Variants in NUP205 observed in about 807,000 individuals in gnomAD.
NUP205 encodes nucleoporin 205, also known as nuclear pore complex protein Nup205.
In NUP205, 76 loss-of-function variants were observed where a neutral mutation model predicts 253.8. The ratio of observed to expected loss-of-function variants is 0.30; its 90% CI spans 0.25 to 0.36. NUP205 has a LOEUF of 0.36. Among genes scored for constraint, NUP205 ranks in the 10% least tolerant of loss-of-function variants. The pLI is 1.00. For synonymous variants in NUP205, 832 were observed against 850.1 expected (o/e 0.98, Z 0.37); for missense variants, 2,162 against 2,425.5 (o/e 0.89, Z 2.28).
intron 34 of NUP205, among the ~76,000 whole-genome samples, chr7:135,630,059 A>G (rs1045100393): frequency 6.6e-6 from 1 of 152,204 alleles, no homozygotes; most frequent in Non-Finnish European, 1.5e-5. Flanking sequence ...ATATTCTTCT[A>G]CAGTAGTCTC....
rs57007288 is a variant in NUP205, at chr7:135,642,843, G to GGTGTGTGTGT, written c.5393-320_5393-311dup. 8.3e-3 allele frequency among the ~76,000 whole-genome samples: 1,209 copies of GGTGTGTGTGT among 144,950 alleles called. 10 individuals are homozygous for GGTGTGTGTGT. The highest frequency in any genetic ancestry group is 0.013 in the African/African-American group (509 of 38,892). On this transcript the variant is annotated intron_variant, in intron 38 of 42. Transcript: ENST00000285968. ...GTGTATATTGTTTTTGATGTGGAGG[G>GGTGTGTGTGT]GTGTGTGTGTGTGTGTGTGTGTGTG... is the stretch of plus-strand genomic sequence containing the variant.
At chr7:135,617,432 A>C (rs73158989) in intron 26 of NUP205, among the ~76,000 whole-genome samples, 170 bp from the exon 27 acceptor site, 2 of 152,194 alleles carry the variant, frequency 1.3e-5, no homozygotes, top group African/African-American at 4.8e-5. Context: ...TAACTTCTTG[A>C]AAAGGGATAC....
At chr7:135,610,244 T>C (rs544452790) in intron 22 of NUP205, among the ~76,000 whole-genome samples, 1 of 152,182 alleles carries the variant, frequency 6.6e-6, no homozygotes, top group Non-Finnish European at 1.5e-5. Context: ...TTTTTTGAGA[T>C]GGAGTCTCAC....
intron 23 of NUP205, among the ~76,000 whole-genome samples, chr7:135,615,230 A>G (rs1452009892): frequency 6.6e-6 from 1 of 152,174 alleles, no homozygotes; most frequent in Non-Finnish European, 1.5e-5. Flanking sequence ...TTAGGGTTTC[A>G]ATGTCAAGCA....
Position 135,635,617 on chromosome 7 carries a change from G to T in NUP205, c.5096G>T (p.Gly1699Val). The T allele has an allele frequency of 6.3e-7, 1 of 1,593,744 alleles. No individual in the cohort carries two copies. Among genetic ancestry groups the T allele is most frequent in the East Asian group, 2.2e-5 (1 of 44,536 alleles). ...GAACTTGACGTTGATGTAAATGAAG[G>T]GTCTCTAATGGAGCTACAGGGACAT... is the stretch of plus-strand genomic sequence containing the variant. ...LSELDVDVNE[G>V]SLMELQGHIG... The change falls in exon 36 of 43, where the codon GGG becomes GTG. Residue 1699 changes from glycine (G) to valine (V), a missense_variant. By Grantham distance (109) the Gly-to-Val change is moderately radical. Coordinates refer to ENST00000285968, the MANE Select transcript of NUP205 (RefSeq NM_015135.3).
At chr7:135,637,143 T>C (rs1052722565) in intron 36 of NUP205, among the ~76,000 whole-genome samples, 4 of 152,266 alleles carry the variant, frequency 2.6e-5, no homozygotes, top group African/African-American at 9.6e-5. Context: ...GTGCAGAACA[T>C]TGTGCTAAGC....
chr7:135,641,061 G>C (rs1297023550), intron 38 of NUP205, among the ~76,000 whole-genome samples: 1 of 152,072 alleles, frequency 6.6e-6, no homozygotes, highest in Non-Finnish European at 1.5e-5. Flanking sequence ...AGGAAGATAG[G>C]ATAAAAAGGG....
At chr7:135,581,438 G>A (rs1165336442) in intron 7 of NUP205, among the ~76,000 whole-genome samples, 3 of 152,096 alleles carry the variant, frequency 2.0e-5, no homozygotes, top group South Asian at 2.1e-4. Context: ...TCCCAGCTAC[G>A]CAGGAGGCTG....
intron 17 of NUP205, 97 bp from the exon 18 acceptor site, chr7:135,602,708 A>G: frequency 1.0e-6 from 1 of 993,424 alleles, no homozygotes. Flanking sequence ...TCTAGATCTG[A>G]AAATCTAAAA....
In NUP205 at chr7:135,615,780, A is replaced by G. The variant is rs1182151835; in HGVS notation, c.3311-136A>G. ...TCCTCTTGTAATTTTACAGAGTGAG[A>G]AATTATTATGTTGCTGAGTTTCATA... On this transcript the variant is annotated intron_variant, in intron 23 of 42. Transcript: ENST00000285968. 1.7e-5 allele frequency: 8 copies of G among 471,578 alleles called. No homozygotes were observed. In the Admixed American group the frequency reaches 2.1e-4, roughly 13 times the overall value. The allele number at this position is 471,578 out of a possible 1,614,324, so 29.2% of individuals were successfully genotyped here. A position where few individuals can be genotyped will look rare whatever the true frequency, so the allele number is the denominator to read the frequency against.
At chr7:135,633,902 G>A (rs944355362) in intron 35 of NUP205, among the ~76,000 whole-genome samples, 1 of 152,146 alleles carries the variant, frequency 6.6e-6, no homozygotes, top group Non-Finnish European at 1.5e-5. Context: ...ACCCTGTTGT[G>A]TACAGTTCAG....
At chr7:135,613,813 G>T (rs1323297630) in intron 22 of NUP205, 1 of 153,108 alleles carries the variant, frequency 6.5e-6, no homozygotes, top group Non-Finnish European at 1.5e-5. Flanking sequence ...TGGGAGGTGA[G>T]CCACCGTGCC....
chr7:135,568,393 C>A (rs887807762), intron 1 of NUP205, among the ~76,000 whole-genome samples: 5 of 151,642 alleles, frequency 3.3e-5, no homozygotes, highest in Admixed American at 2.0e-4. Context: ...AGTGCAGTGG[C>A]GTGATCTTGG....
intron 2 of NUP205, 71 bp downstream of exon 2, chr7:135,571,318 TTTC>T: frequency 1.8e-6 from 2 of 1,085,436 alleles, no homozygotes; most frequent in Non-Finnish European, 2.5e-6. Context: ...AGTAAACTCT[TTTC>T]TTTTTTTTTT....
At chr7:135,595,342 G>A (rs1448525124) in intron 13 of NUP205, among the ~76,000 whole-genome samples, 2 of 151,990 alleles carry the variant, frequency 1.3e-5, no homozygotes, top group African/African-American at 4.8e-5. Context: ...TTGTGCCTCA[G>A]CCTCCTGAGT....
At position 135,593,114 on chromosome 7, in the gene NUP205, T is replaced by G; in HGVS notation, c.1752T>G (p.Leu584=). The change falls in exon 12 of 43, where the codon CTT becomes CTG. Residue 584 remains leucine (L), a synonymous_variant. Coordinates refer to ENST00000285968, the MANE Select transcript of NUP205 (RefSeq NM_015135.3). ...CAGATAGTGTCCAGTACCGTCACCT[T>G]CCTTCCCGTGGCATCACCCAGAAGG... ...PSADSVQYRH[L]PSRGITQKEQ... is the part of the protein sequence containing the mutation. 1 of 1,614,142 alleles carries G rather than the reference T, an allele frequency of 6.2e-7. No homozygotes were observed. The highest frequency in any genetic ancestry group is 8.5e-7 in the Non-Finnish European group (1 of 1,180,010).
chr7:135,558,488 G>C (rs1467042684), intron 1 of NUP205, among the ~76,000 whole-genome samples: 1 of 152,158 alleles, frequency 6.6e-6, no homozygotes, highest in Non-Finnish European at 1.5e-5. Context: ...TTCAGCAGAC[G>C]TCTTCTAACC....
At position 135,647,247 on chromosome 7, in the gene NUP205, T is replaced by C. The variant is rs142469419; in HGVS notation, c.5886+1016T>C. Reference sequence around the variant, plus strand: ...CTAGCCATCTGAATGTCCTTAGCCATGATTTGATAAAGCCTCTGCTCCTCC... The same window carrying C: ...CTAGCCATCTGAATGTCCTTAGCCACGATTTGATAAAGCCTCTGCTCCTCC... On this transcript the variant is annotated intron_variant, in intron 42 of 42. Coordinates refer to ENST00000285968, the MANE Select transcript of NUP205 (RefSeq NM_015135.3). 5.4e-3 allele frequency among the ~76,000 whole-genome samples: 819 copies of C among 152,362 alleles called. 1 individual carries two copies. Among genetic ancestry groups the C allele is most frequent in the South Asian group, 0.011 (55 of 4,830 alleles).
At chr7:135,594,442 A>T in intron 12 of NUP205, 105 bp from the exon 13 acceptor site, 1 of 766,900 alleles carries the variant, frequency 1.3e-6, no homozygotes, top group Non-Finnish European at 2.1e-6. Context: ...AGTATATATT[A>T]AGCCCATGAG....
Sources: allele counts gnomAD v4.1 joint callset (sites outside exome capture counted in the v4.1 genomes callset), GRCh38; gene constraint gnomAD v4.1.1; transcripts MANE v1.5; gene names NCBI Gene and HGNC (gene_info 2026-07-23, HGNC 2026-07-21).